Variants in CAMK4 observed in about 807,000 individuals in gnomAD.
CAMK4 encodes the protein calcium/calmodulin-dependent protein kinase type IV.
A neutral mutation model predicts 44.9 loss-of-function variants in CAMK4; 22 were observed. The observed-to-expected ratio is 0.49, with a 90% confidence interval of 0.35 to 0.70. CAMK4 has a LOEUF of 0.70. Among genes scored for constraint, CAMK4 ranks in the 30% least tolerant of loss-of-function variants. The pLI is 0.01. For missense variants in CAMK4, 498 were observed against 586.8 expected, an observed-to-expected ratio of 0.85 and a Z score of 1.56; for synonymous variants, 218 against 215.4, an observed-to-expected ratio of 1.01 and a Z score of -0.11.
At chr5:111,250,343 G>C (rs946848818) in intron 1 of CAMK4, among the ~76,000 whole-genome samples, 1 of 152,122 alleles carries the variant, frequency 6.6e-6, no homozygotes, top group Non-Finnish European at 1.5e-5. Context: ...TGAAGGCATG[G>C]TGTACTTCTT....
intron 2 of CAMK4, among the ~76,000 whole-genome samples, chr5:111,369,111 G>A (rs1750907695): frequency 6.6e-6 from 1 of 151,108 alleles, no homozygotes; most frequent in Admixed American, 6.6e-5. Flanking sequence ...TGTTGCCCAG[G>A]CTGGAGTGCA....
At position 111,484,484 on chromosome 5, in the gene CAMK4, T is replaced by C; in HGVS notation, c.*18T>C. On this transcript the variant is annotated 3_prime_UTR_variant, in exon 11 of 11. Coordinates refer to ENST00000282356, the MANE Select transcript of CAMK4 (RefSeq NM_001744.6). This position sits in a 1 kb window ranked among gnomAD's most constrained non-coding sequence, Gnocchi z 5.3. ...AGTACTAAACAGCTTCCTTCAGATC[T>C]GGAAGCCAAACACCGGCATTTTATG... 4 of 1,466,484 alleles carry C rather than the reference T, an allele frequency of 2.7e-6. No homozygotes were observed. The highest frequency in any genetic ancestry group is 3.6e-6 in the Non-Finnish European group (4 of 1,099,404). The allele number at this position is 1,466,484 out of a possible 1,614,324, so 90.8% of individuals were successfully genotyped here.
chr5:111,278,169 T>G (rs1254760635), intron 1 of CAMK4, among the ~76,000 whole-genome samples: 1 of 152,244 alleles, frequency 6.6e-6, no homozygotes, highest in Non-Finnish European at 1.5e-5. Flanking sequence ...TTCCTTTTGC[T>G]GCCCTCCTAC....
At chr5:111,385,635 G>A (rs964663990) in intron 4 of CAMK4, among the ~76,000 whole-genome samples, 3 of 151,984 alleles carry the variant, frequency 2.0e-5, no homozygotes, top group Admixed American at 6.6e-5. Context: ...GTGCAGTGGC[G>A]TGATCTTGGC....
intron 1 of CAMK4, among the ~76,000 whole-genome samples, chr5:111,293,122 A>T (rs1747341764): frequency 6.6e-6 from 1 of 152,132 alleles, no homozygotes; most frequent in African/African-American, 2.4e-5. Context: ...ACAACCAGTG[A>T]TTTCTCTTTA....
chr5:111,316,180 C>A (rs1486635919), intron 1 of CAMK4, among the ~76,000 whole-genome samples: 2 of 152,098 alleles, frequency 1.3e-5, no homozygotes, highest in African/African-American at 2.4e-5. Context: ...TACTCTAATC[C>A]TTTTTCTCCA....
intron 1 of CAMK4, among the ~76,000 whole-genome samples, chr5:111,332,597 C>G (rs149020789): frequency 6.6e-6 from 1 of 151,354 alleles, no homozygotes; most frequent in African/African-American, 2.4e-5. Context: ...GGAGAGTGTT[C>G]GCTGCAATGA....
chr5:111,404,107 T>C (rs1178841164), intron 5 of CAMK4, among the ~76,000 whole-genome samples: 2 of 152,204 alleles, frequency 1.3e-5, no homozygotes, highest in African/African-American at 4.8e-5. Context: ...AGGAATTTTA[T>C]GTTGAATGGG....
chr5:111,242,294 G>A, intron 1 of CAMK4, among the ~76,000 whole-genome samples: 1 of 151,932 alleles, frequency 6.6e-6, no homozygotes, highest in East Asian at 1.9e-4. Context: ...GTCTTTGAAG[G>A]GGTATAATAA....
chr5:111,437,232 G>A (rs1239861027), intron 5 of CAMK4, among the ~76,000 whole-genome samples: 3 of 152,140 alleles, frequency 2.0e-5, no homozygotes, highest in Non-Finnish European at 4.4e-5. Flanking sequence ...AGATTGCCAC[G>A]ATGTAAGCAC....
intron 2 of CAMK4, among the ~76,000 whole-genome samples, chr5:111,349,387 T>C (rs924540584): frequency 6.6e-6 from 1 of 152,038 alleles, no homozygotes; most frequent in African/African-American, 2.4e-5. Context: ...ATATTTGAAG[T>C]AGAGTAGAAA....
intron 1 of CAMK4, among the ~76,000 whole-genome samples, chr5:111,267,484 A>G (rs367994097): frequency 6.6e-6 from 1 of 152,064 alleles, no homozygotes; most frequent in East Asian, 1.9e-4. Context: ...TGGGAGGCCG[A>G]GGCGGGCGGA....
intron 1 of CAMK4, among the ~76,000 whole-genome samples, chr5:111,254,126 G>A (rs1298647998): frequency 2.0e-5 from 3 of 152,180 alleles, no homozygotes; most frequent in African/African-American, 7.2e-5. Context: ...ACATGGATGT[G>A]GAAGTGACTC....
At chr5:111,445,043 A>T (rs1044722490) in intron 5 of CAMK4, among the ~76,000 whole-genome samples, 1 of 152,248 alleles carries the variant, frequency 6.6e-6, no homozygotes, top group African/African-American at 2.4e-5. Context: ...TGAAGTGTGT[A>T]TTAAAATAAA....
At chr5:111,365,714 A>G (rs1181059846) in intron 2 of CAMK4, among the ~76,000 whole-genome samples, 1 of 152,092 alleles carries the variant, frequency 6.6e-6, no homozygotes. Flanking sequence ...TTCATGGACC[A>G]AAAACAAGTC....
chr5:111,343,076 GTA>G (rs1749711574), intron 1 of CAMK4, among the ~76,000 whole-genome samples: 1 of 151,482 alleles, frequency 6.6e-6, no homozygotes, highest in Non-Finnish European at 1.5e-5. Context: ...ATTACTTTGT[GTA>G]TATGTCATAC....
chr5:111,410,470 G>A (rs1278220431), intron 5 of CAMK4, among the ~76,000 whole-genome samples: 1 of 152,124 alleles, frequency 6.6e-6, no homozygotes, highest in Non-Finnish European at 1.5e-5. Context: ...TAGAGACACA[G>A]CCAAGCCATA....
At chr5:111,269,814 T>A (rs1750425341) in intron 1 of CAMK4, among the ~76,000 whole-genome samples, 1 of 152,208 alleles carries the variant, frequency 6.6e-6, no homozygotes, top group Non-Finnish European at 1.5e-5. Context: ...CATACAAGGC[T>A]GTCCATGGGC....
At chr5:111,349,722 A>T (rs1339717484) in intron 2 of CAMK4, among the ~76,000 whole-genome samples, 1 of 151,898 alleles carries the variant, frequency 6.6e-6, no homozygotes, top group Non-Finnish European at 1.5e-5. Context: ...TATACCTCAG[A>T]GTGTATCTAA....
Sources: gnomAD v4.1 joint callset for allele counts (sites outside exome capture counted in the v4.1 genomes callset) on GRCh38, gnomAD v4.1.1 for gene constraint, Gnocchi (gnomAD v3.1) non-coding constraint, MANE v1.5 for transcripts, NCBI Gene and HGNC (gene_info 2026-07-23, HGNC 2026-07-21) for gene names.